NDUFAF5: variants seen among roughly 807,000 people sequenced by gnomAD.
The protein encoded by NDUFAF5 is NADH:ubiquinone oxidoreductase complex assembly factor 5.
NDUFAF5 carries 34 observed loss-of-function variants against 48.9 expected under a neutral mutation model. The observed-to-expected ratio is 0.70, with a 90% CI of 0.53 to 0.93. NDUFAF5 has a LOEUF of 0.93. NDUFAF5 is among the 40% of genes least tolerant of loss of function. NDUFAF5 has a pLI of 0.00. For missense variants in NDUFAF5, 428 were observed against 427.5 expected, an observed-to-expected ratio of 1.00 and a Z score of -0.01; for synonymous variants, 153 against 150.6, an observed-to-expected ratio of 1.02 and a Z score of -0.12.
intron 3 of NDUFAF5, among the ~76,000 whole-genome samples, chr20:13,791,499 A>G (rs182341472): frequency 6.6e-6 from 1 of 152,340 alleles, no homozygotes; most frequent in Non-Finnish European, 1.5e-5. Context: ...AGGCAAGAAT[A>G]TAGAAAAGAA....
Position 13,785,289 on chromosome 20 carries a change from A to C in NDUFAF5, c.221A>C (p.Glu74Ala). The change falls in exon 1 of 11, where the codon GAG becomes GCG. Residue 74 changes from glutamate (E) to alanine (A), a missense_variant and splice_region_variant. Coordinates refer to ENST00000378106, the MANE Select transcript of NDUFAF5 (RefSeq NM_024120.5). ...EPTKFDYLKE[E>A]VGSRIADRVY... ...ACCAAATTTGACTACCTGAAGGAGG[A>C]GGTGAGCCCGCGGGGCGGCGGGGCG... 6.5e-7 allele frequency: 1 copy of C among 1,538,470 alleles called. No individual in the cohort carries two copies. Among genetic ancestry groups the C allele is most frequent in the Non-Finnish European group, 8.9e-7 (1 of 1,119,482 alleles).
At chr20:13,793,932 T>C (rs377725834) in intron 4 of NDUFAF5, among the ~76,000 whole-genome samples, 14 of 152,346 alleles carry the variant, frequency 9.2e-5, no homozygotes, top group African/African-American at 3.4e-4. Context: ...TTTTGACTAT[T>C]GGTATTTCTT....
Position 13,818,247 on chromosome 20 carries a change from A to C in NDUFAF5, c.*1037A>C. 2 of 453,936 alleles carry C rather than the reference A, an allele frequency of 4.4e-6. No individual in the cohort carries two copies. Among genetic ancestry groups the C allele is most frequent in the Non-Finnish European group, 8.8e-6 (2 of 226,792 alleles). 28.1% of individuals were successfully genotyped at this position (453,936 alleles called of 1,614,324 possible). On this transcript the variant is annotated 3_prime_UTR_variant, in exon 11 of 11. Transcript: ENST00000378106. ...ATAGTAGATATTCAGTTACATTTTG[A>C]ACTAATTATATAACAAACTTGCCCT...
chr20:13,816,626 C>A, intron 9 of NDUFAF5, 80 bp downstream of exon 9: 1 of 1,137,624 alleles, frequency 8.8e-7, no homozygotes, highest in Non-Finnish European at 1.3e-6. Context: ...GTTGCCAATG[C>A]ATTTTCCATT....
chr20:13,802,946 T>C (rs1984432240), intron 7 of NDUFAF5, among the ~76,000 whole-genome samples: 1 of 152,178 alleles, frequency 6.6e-6, no homozygotes, highest in South Asian at 2.1e-4. Context: ...TTAATATGAA[T>C]TTCCAAACCC....
chr20:13,801,787 CTT>C (rs1984194823), intron 7 of NDUFAF5, 104 bp downstream of exon 7: 10 of 939,322 alleles, frequency 1.1e-5, no homozygotes, highest in Admixed American at 6.8e-5. Flanking sequence ...TCATGGCACT[CTT>C]TCTCTCCCTT....
intron 7 of NDUFAF5, among the ~76,000 whole-genome samples, chr20:13,806,005 A>G (rs540296437): frequency 1.3e-5 from 2 of 152,348 alleles, no homozygotes; most frequent in African/African-American, 2.4e-5. Context: ...ATAATCAGCT[A>G]TACAGGTTTA....
chr20:13,808,314 A>G lies in NDUFAF5; in HGVS notation c.718-528A>G, dbSNP rs551645230. Among the ~76,000 whole-genome samples the G allele has an allele frequency of 5.3e-5, 8 of 152,322 alleles. No individual in the cohort carries two copies. The East Asian group carries it at 1.5e-3, about 29-fold the overall frequency. On this transcript the variant is annotated intron_variant, in intron 7 of 10. Coordinates refer to ENST00000378106, the MANE Select transcript of NDUFAF5 (RefSeq NM_024120.5). ...AGTCCTGTATCAGGCTTCAAAAAGAAGAGGAAGTCATTACCCAATTGTTCA... is the reference window on the plus strand; with the variant it reads ...AGTCCTGTATCAGGCTTCAAAAAGAGGAGGAAGTCATTACCCAATTGTTCA...
Position 13,816,928 on chromosome 20 carries a change from A to G in NDUFAF5, c.916A>G (p.Met306Val), listed in dbSNP as rs1341341802. The G allele has an allele frequency of 1.2e-6, 2 of 1,609,790 alleles. No homozygotes were observed. Among genetic ancestry groups the G allele is most frequent in the Non-Finnish European group, 8.5e-7 (1 of 1,176,054 alleles). ...SVPATYQIYY[M>V]IGWKYHESQA... is the part of the protein sequence containing the mutation. ...ACCTGCTACATACCAGATCTATTAC[A>G]TGATAGGATGGAAATATCATGAGTC... The change falls in exon 10 of 11, where the codon ATG (methionine) becomes GTG (valine). Residue 306 changes from methionine to valine, a missense_variant. By Grantham distance (21) the Met-to-Val change is conservative. Transcript: ENST00000378106.
chr20:13,789,670 G>T (rs1981946094), intron 3 of NDUFAF5, among the ~76,000 whole-genome samples: 1 of 151,728 alleles, frequency 6.6e-6, no homozygotes, highest in Non-Finnish European at 1.5e-5. Context: ...TAGAGACGGG[G>T]TTTCACCGTG....
At chr20:13,793,101 T>TA (rs1982574264) in intron 3 of NDUFAF5, 79 bp from the exon 4 acceptor site, 2 of 1,484,314 alleles carry the variant, frequency 1.3e-6, no homozygotes, top group African/African-American at 2.8e-5. Context: ...AAAATGTAAT[T>TA]AACACTTTTA....
At chr20:13,787,007 T>A (rs888053887) in intron 1 of NDUFAF5, 5 of 439,724 alleles carry the variant, frequency 1.1e-5, no homozygotes, top group Non-Finnish European at 2.1e-5. Flanking sequence ...GTTGTGTTCC[T>A]TTTGCTTTTC....
intron 8 of NDUFAF5, chr20:13,809,143 T>G: frequency 1.8e-6 from 1 of 549,110 alleles, no homozygotes; most frequent in South Asian, 2.1e-5. Flanking sequence ...AGAATTATGG[T>G]CAGTGCTATG....
intron 9 of NDUFAF5, 64 bp downstream of exon 9, chr20:13,816,610 C>T: frequency 7.7e-7 from 1 of 1,299,862 alleles, no homozygotes; most frequent in South Asian, 1.2e-5. Context: ...TGTTGATTCC[C>T]TTCACGTTGC....
intron 7 of NDUFAF5, among the ~76,000 whole-genome samples, chr20:13,802,438 G>A (rs1052798066): frequency 7.2e-5 from 11 of 152,132 alleles, no homozygotes; most frequent in Admixed American, 2.0e-4. Context: ...GGAGGCCGAG[G>A]CAAGTGGATC....
chr20:13,816,594 G>T (rs1285136769), intron 9 of NDUFAF5, 48 bp downstream of exon 9: 1 of 1,446,882 alleles, frequency 6.9e-7, no homozygotes, highest in East Asian at 2.3e-5. Flanking sequence ...CACTTGTGCT[G>T]TATCATGTTG....
intron 1 of NDUFAF5, among the ~76,000 whole-genome samples, chr20:13,786,243 G>C (rs1484321472): frequency 6.6e-6 from 1 of 152,204 alleles, no homozygotes; most frequent in African/African-American, 2.4e-5. Context: ...TGCAAGTACA[G>C]GTCTGATCAG....
chr20:13,816,555 C>T lies in NDUFAF5; in HGVS notation c.862+9C>T, dbSNP rs375237186. 28 of 1,609,560 alleles carry T rather than the reference C, an allele frequency of 1.7e-5. No homozygotes were observed. In the South Asian group the frequency reaches 2.1e-4, roughly 12 times the overall value. ...TGCGGCAGTGTACAGAGGTAAGGGG[C>T]GACCACTCTTTCACCCGCCTCACCA... On this transcript the variant is annotated intron_variant, in intron 9 of 10. Coordinates refer to ENST00000378106, the MANE Select transcript of NDUFAF5 (RefSeq NM_024120.5).
chr20:13,788,542 T>G, intron 2 of NDUFAF5, 47 bp from the exon 3 acceptor site: 1 of 1,359,966 alleles, frequency 7.4e-7, no homozygotes, highest in African/African-American at 1.4e-5. Context: ...TCTTAATTTA[T>G]AGACTGTGTT....
Sources: gnomAD v4.1 joint callset for allele counts (sites outside exome capture counted in the v4.1 genomes callset) on GRCh38, gnomAD v4.1.1 for gene constraint, MANE v1.5 for transcripts, NCBI Gene and HGNC (gene_info 2026-07-23, HGNC 2026-07-21) for gene names.